The following ADGRD1 variants were observed in gnomAD, a reference collection of about 807,000 sequenced individuals.
ADGRD1 encodes the protein adhesion G protein-coupled receptor D1, also known as G-protein coupled receptor 133.
In ADGRD1, 77 loss-of-function variants were observed where a neutral mutation model predicts 113.4. The observed-to-expected ratio is 0.68, with a 90% CI of 0.57 to 0.82. ADGRD1 has a LOEUF of 0.82. Among genes scored for constraint, ADGRD1 ranks in the 40% least tolerant of loss-of-function variants. The probability of loss-of-function intolerance (pLI) is 0.00; values close to 1 mark genes in which losing one functional copy is unlikely to be tolerated. For synonymous variants in ADGRD1, 474 were observed against 475.0 expected, an observed-to-expected ratio of 1.00 and a Z score of 0.03; for missense variants, 1,036 against 1,139.1, an observed-to-expected ratio of 0.91 and a Z score of 1.30.
intron 13 of ADGRD1, among the ~76,000 whole-genome samples, chr12:131,036,258 GTCTC>G (rs1267614714): frequency 6.6e-6 from 1 of 151,748 alleles, no homozygotes; most frequent in Non-Finnish European, 1.5e-5. Context: ...ACTGCAGTGA[GTCTC>G]ACTCACTGCA....
intron 18 of ADGRD1, among the ~76,000 whole-genome samples, chr12:131,118,033 C>T (rs554866304): frequency 3.3e-5 from 5 of 152,324 alleles, no homozygotes; most frequent in Admixed American, 6.5e-5. Flanking sequence ...CCACCTTGGC[C>T]CTGGTTGAGA....
intron 13 of ADGRD1, among the ~76,000 whole-genome samples, chr12:131,039,419 C>G (rs755229424): frequency 6.6e-6 from 1 of 152,256 alleles, no homozygotes; most frequent in African/African-American, 2.4e-5. Flanking sequence ...CCGGTCTAGA[C>G]CATCTTCGGT....
At chr12:131,063,231 T>C (rs1206997618) in intron 13 of ADGRD1, among the ~76,000 whole-genome samples, 1 of 152,186 alleles carries the variant, frequency 6.6e-6, no homozygotes, top group Non-Finnish European at 1.5e-5. Context: ...TTTGTAAATA[T>C]TTTCTCCTTG....
Position 131,057,841 on chromosome 12 carries a change from T to C in ADGRD1, c.1474-18960T>C, listed in dbSNP as rs901280933. On this transcript the variant is annotated intron_variant, in intron 13 of 24. Transcript: ENST00000261654. The surrounding 1 kb of genome is among the most constrained non-coding windows in gnomAD (Gnocchi z 4.2). ...GGATGAGGCAGAAAATGGGTCTGCA[T>C]GTCTCTGCCTTCACTGGTACCTCCC... Among the ~76,000 whole-genome samples, 4 of 152,212 alleles carry C rather than the reference T, an allele frequency of 2.6e-5. No individual in the cohort carries two copies. The highest frequency in any genetic ancestry group is 9.7e-5 in the African/African-American group (4 of 41,450).
chr12:131,074,967 A>G (rs1257771044), intron 13 of ADGRD1, among the ~76,000 whole-genome samples: 1 of 152,182 alleles, frequency 6.6e-6, no homozygotes, highest in Non-Finnish European at 1.5e-5. Context: ...CAGAGGCCAC[A>G]GCAGCCTCTT....
rs144882598 is a variant in ADGRD1, at chr12:131,014,202, C to T, written c.1335C>T (p.Ile445=). ...LNNIWPAHTK[I]AEAMHHQDCL... is the part of the protein sequence containing the mutation. The stretch of plus-strand genomic sequence containing the variant: ...ATGATTTCCGTCTCTTCCCAAGGAT[C>T]GCGGAGGCCATGCATCACCAGGACT... The change falls in exon 13 of 25, where the codon ATC becomes ATT. Residue 445 remains isoleucine (I), a synonymous_variant. Transcript: ENST00000261654. The T allele has an allele frequency of 3.5e-4, 572 of 1,613,652 alleles. 1 individual carries two copies. Among genetic ancestry groups the T allele is most frequent in the African/African-American group, 3.0e-3 (226 of 75,032 alleles).
intron 12 of ADGRD1, among the ~76,000 whole-genome samples, chr12:131,009,228 C>G (rs1368624772): frequency 1.3e-5 from 2 of 152,268 alleles, no homozygotes; most frequent in Middle Eastern, 3.2e-3. Context: ...CTGTGGCATA[C>G]TCCTGTCAGA....
chr12:131,062,303 T>G (rs1884395077), intron 13 of ADGRD1, among the ~76,000 whole-genome samples: 1 of 152,170 alleles, frequency 6.6e-6, no homozygotes, highest in Non-Finnish European at 1.5e-5. Flanking sequence ...AAACCACAAT[T>G]TGTTTGACCA....
chr12:131,119,850 C>T (rs908283988), intron 19 of ADGRD1, among the ~76,000 whole-genome samples: 9 of 152,198 alleles, frequency 5.9e-5, no homozygotes, highest in Non-Finnish European at 8.8e-5. Flanking sequence ...GAGCCTCTTG[C>T]AGGTGCTGTC....
At position 130,966,472 on chromosome 12, in the gene ADGRD1, T is replaced by G. The variant is rs1228106349; in HGVS notation, c.113T>G (p.Val38Gly). The change falls in exon 3 of 25, where the codon GTG becomes GGG. Residue 38 changes from valine (V) to glycine (G), a missense_variant. Physicochemically the swap from Val to Gly is moderately radical, Grantham distance 109. Coordinates refer to ENST00000261654, the MANE Select transcript of ADGRD1 (RefSeq NM_198827.5). The surrounding 1 kb of genome is among the most constrained non-coding windows in gnomAD (Gnocchi z 4.6). ...SRSQDHPGFQ[V>G]LASASHYWPL... ...TTCTTTTTTCCCCAAGGATTTCAGG[T>G]GTTGGCGTCTGCTTCCCATTACTGG... 2 of 1,604,558 alleles carry G rather than the reference T, an allele frequency of 1.2e-6. No individual in the cohort carries two copies.
chr12:131,107,678 G>T (rs1950264718), intron 17 of ADGRD1, among the ~76,000 whole-genome samples: 1 of 152,214 alleles, frequency 6.6e-6, no homozygotes, highest in Non-Finnish European at 1.5e-5. Context: ...GGTAGGAAGG[G>T]GCTGCTCCCC....
At position 131,003,364 on chromosome 12, in the gene ADGRD1, C is replaced by T; in HGVS notation, c.1144+62C>T. 2.6e-6 allele frequency: 3 copies of T among 1,132,786 alleles called. No homozygotes were observed. The highest frequency in any genetic ancestry group is 4.0e-6 in the Non-Finnish European group (3 of 749,480). The allele number at this position is 1,132,786 out of a possible 1,614,324, so 70.2% of individuals were successfully genotyped here. On this transcript the variant is annotated intron_variant, in intron 10 of 24. Coordinates refer to ENST00000261654, the MANE Select transcript of ADGRD1 (RefSeq NM_198827.5). This position sits in a 1 kb window ranked among gnomAD's most constrained non-coding sequence, Gnocchi z 4.8. Reference sequence around the variant, plus strand: ...GGCGGGGGCTGGAGGCTGCGTTTCACTGCCTGTCTTTTTACACCCTTAGCA... The same window carrying T: ...GGCGGGGGCTGGAGGCTGCGTTTCATTGCCTGTCTTTTTACACCCTTAGCA...
intron 20 of ADGRD1, among the ~76,000 whole-genome samples, chr12:131,130,858 G>A (rs975957628): frequency 4.6e-5 from 7 of 152,198 alleles, no homozygotes; most frequent in East Asian, 3.9e-4. Flanking sequence ...CCAGGCTGGC[G>A]TGGGGACAGC....
chr12:131,107,632 G>A (rs1370823384), intron 17 of ADGRD1, among the ~76,000 whole-genome samples: 1 of 152,222 alleles, frequency 6.6e-6, no homozygotes, highest in African/African-American at 2.4e-5. Flanking sequence ...GATGGGAGAG[G>A]ATGATTGTAA....
intron 21 of ADGRD1, 52 bp downstream of exon 21, chr12:131,131,868 G>A (rs1387587105): frequency 5.8e-6 from 7 of 1,205,054 alleles, no homozygotes; most frequent in Non-Finnish European, 8.7e-6. Flanking sequence ...GCCCCCAGAG[G>A]ATGCTTTGAG....
intron 13 of ADGRD1, among the ~76,000 whole-genome samples, chr12:131,017,988 T>A (rs1028410663): frequency 6.6e-6 from 1 of 152,042 alleles, no homozygotes; most frequent in African/African-American, 2.4e-5. Flanking sequence ...TAGGCACATA[T>A]GTGCACATAC....
intron 3 of ADGRD1, chr12:130,969,389 A>C: frequency 3.5e-6 from 1 of 286,082 alleles, no homozygotes; most frequent in South Asian, 4.5e-5. Flanking sequence ...ACCTGTATTT[A>C]CAGCTGCTCC....
rs925084616 is a variant in ADGRD1 at position 130,954,190 on chromosome 12, G to C, written c.-276G>C. 21 of 376,278 alleles carry C rather than the reference G, an allele frequency of 5.6e-5. No homozygotes were observed. Among genetic ancestry groups the C allele is most frequent in the Admixed American group, 2.2e-4 (5 of 22,274 alleles). The allele number at this position is 376,278 out of a possible 1,614,324, so 23.3% of individuals were successfully genotyped here. ...TGGGATTGCTTTCCCAGGACTGCGA[G>C]TCGGGTTTGGGTTTCTCCTCCCTGC... On this transcript the variant is annotated 5_prime_UTR_variant, in exon 1 of 25. Transcript: ENST00000261654. This position sits in a 1 kb window ranked among gnomAD's most constrained non-coding sequence, Gnocchi z 4.7.
rs533920269 is a variant in ADGRD1, at chr12:131,007,744, A to G, written c.1331+1697A>G. Among the ~76,000 whole-genome samples, 4 of 152,368 alleles carry G rather than the reference A, an allele frequency of 2.6e-5. No homozygotes were observed. The South Asian group carries it at 8.3e-4, about 32-fold the overall frequency. On this transcript the variant is annotated intron_variant, in intron 12 of 24. Transcript: ENST00000261654. The stretch of plus-strand genomic sequence containing the variant: ...CCACAACATGTTCCATGAGCAGCAC[A>G]TTTACGTGCTGAAGCCAAAGCAGAA...
Sources: allele counts gnomAD v4.1 joint callset (sites outside exome capture counted in the v4.1 genomes callset), GRCh38; gene constraint gnomAD v4.1.1; non-coding constraint Gnocchi (gnomAD v3.1); transcripts MANE v1.5; gene names NCBI Gene and HGNC (gene_info 2026-07-23, HGNC 2026-07-21).